ACER3: variants seen among roughly 807,000 people sequenced by gnomAD.
ACER3 encodes the protein alkCDase 3.
A neutral mutation model predicts 48.9 loss-of-function variants in ACER3; 16 were observed. The ratio of observed to expected loss-of-function variants is 0.33; its 90% CI spans 0.22 to 0.50. The LOEUF is 0.50. Among genes scored for constraint, ACER3 ranks in the 20% least tolerant of loss-of-function variants. The pLI is 0.98. For missense variants in ACER3, 227 were observed against 326.0 expected, an observed-to-expected ratio of 0.70 and a Z score of 2.34; for synonymous variants, 109 against 107.8, an observed-to-expected ratio of 1.01 and a Z score of -0.07.
rs561170243 is a variant in ACER3 at position 77,015,251 on chromosome 11, G to A, written c.599+134G>A. On this transcript the variant is annotated intron_variant, in intron 8 of 10. Transcript: ENST00000532485. ...TGTTGACATTTAAAAGATATATACAGTATAATAAAGTTAGACTATTAGAAT... is the reference window on the plus strand; with the variant it reads ...TGTTGACATTTAAAAGATATATACAATATAATAAAGTTAGACTATTAGAAT... 38 of 571,760 alleles carry A rather than the reference G, an allele frequency of 6.6e-5. No individual in the cohort carries two copies. In the South Asian group the frequency reaches 9.1e-4, roughly 14 times the overall value. The allele number at this position is 571,760 out of a possible 1,614,324, so 35.4% of individuals were successfully genotyped here.
intron 1 of ACER3, among the ~76,000 whole-genome samples, chr11:76,867,486 A>AG (rs1945123700): frequency 8.1e-6 from 1 of 122,994 alleles, no homozygotes; most frequent in Non-Finnish European, 1.8e-5. Context: ...AAAAAAAAAA[A>AG]AAAAAAAAAA....
At chr11:76,867,281 C>T (rs778817860) in intron 1 of ACER3, among the ~76,000 whole-genome samples, 1 of 151,748 alleles carries the variant, frequency 6.6e-6, no homozygotes, top group South Asian at 2.1e-4. Flanking sequence ...CCAGCCTGGC[C>T]AACATGATGA....
intron 7 of ACER3, among the ~76,000 whole-genome samples, chr11:77,011,667 G>A (rs1188896757): frequency 6.6e-6 from 1 of 151,550 alleles, no homozygotes; most frequent in African/African-American, 2.4e-5. Context: ...ATTTTTAAAC[G>A]AATCACCTTT....
At chr11:76,911,219 T>C (rs1946369522) in intron 1 of ACER3, among the ~76,000 whole-genome samples, 1 of 152,174 alleles carries the variant, frequency 6.6e-6, no homozygotes, top group African/African-American at 2.4e-5. Context: ...ATTTATTAAT[T>C]ATATGCTAAA....
intron 2 of ACER3, among the ~76,000 whole-genome samples, chr11:76,940,041 A>T (rs1181803827): frequency 6.6e-6 from 1 of 152,196 alleles, no homozygotes; most frequent in Non-Finnish European, 1.5e-5. Context: ...CATGCTTAGG[A>T]GATACATCCT....
intron 6 of ACER3, among the ~76,000 whole-genome samples, chr11:76,997,243 C>T (rs1273897905): frequency 2.0e-5 from 3 of 152,128 alleles, no homozygotes; most frequent in Non-Finnish European, 4.4e-5. Context: ...AAATTTTAAA[C>T]ACCGTATCCT....
Position 76,913,277 on chromosome 11 carries a change from G to A in ACER3, c.104-13280G>A, listed in dbSNP as rs1029551022. Among the ~76,000 whole-genome samples the A allele has an allele frequency of 3.9e-5, 6 of 152,056 alleles. No individual in the cohort carries two copies. In the East Asian group the frequency reaches 5.8e-4, roughly 15 times the overall value. ...GCTTAAGGAGATTTTGGGCTGAGAC[G>A]ATGGGGTTTTCTAGATATACAATCA... On this transcript the variant is annotated intron_variant, in intron 1 of 10. Coordinates refer to ENST00000532485, the MANE Select transcript of ACER3 (RefSeq NM_018367.7).
intron 4 of ACER3, among the ~76,000 whole-genome samples, chr11:76,980,958 A>G (rs1948571832): frequency 6.6e-6 from 1 of 152,236 alleles, no homozygotes; most frequent in Non-Finnish European, 1.5e-5. Context: ...GAAATTAAGT[A>G]AGAAATAGTC....
chr11:77,005,486 C>T (rs1438626688), intron 7 of ACER3, among the ~76,000 whole-genome samples: 3 of 152,088 alleles, frequency 2.0e-5, no homozygotes, highest in African/African-American at 7.2e-5. Flanking sequence ...CCACAAGCTA[C>T]GTGGCTTTAA....
intron 3 of ACER3, among the ~76,000 whole-genome samples, chr11:76,975,874 C>CT (rs34786738): frequency 0.075 from 6,190 of 82,738 alleles, 695 homozygotes; most frequent in African/African-American, 0.23. Context: ...TTTTTCTTTT[C>CT]TTTTTTTTTT....
At chr11:76,876,271 A>AT (rs34935186) in intron 1 of ACER3, among the ~76,000 whole-genome samples, 86,057 of 147,928 alleles carry the variant, frequency 0.58, 27,560 homozygotes, top group Non-Finnish European at 0.74. Flanking sequence ...CACTGTTCTG[A>AT]TTTTTTTTTT....
At chr11:76,928,838 G>C (rs11237017) in intron 2 of ACER3, among the ~76,000 whole-genome samples, 16,025 of 152,212 alleles carry the variant, frequency 0.11, 1,055 homozygotes, top group East Asian at 0.35. Context: ...TTTGGTACCA[G>C]TACCAGGCTG....
chr11:76,873,114 C>T (rs770832565), intron 1 of ACER3, among the ~76,000 whole-genome samples: 2 of 151,696 alleles, frequency 1.3e-5, no homozygotes, highest in African/African-American at 2.4e-5. Flanking sequence ...TGCAGGGAAT[C>T]TCGCTATGTT....
chr11:77,022,886 A>T lies in ACER3; in HGVS notation c.*2559A>T, dbSNP rs1038217771. 3.1e-6 allele frequency: 1 copy of T among 327,682 alleles called. No homozygotes were observed. Among genetic ancestry groups the T allele is most frequent in the Non-Finnish European group, 5.5e-6 (1 of 183,454 alleles). 20.3% of individuals were successfully genotyped at this position (327,682 alleles called of 1,614,324 possible). ...TCCGTCTCAAAAAAAAAAAAAAAAA[A>T]AAAAAAGAAAAGAAAAGAAAATATA... On this transcript the variant is annotated 3_prime_UTR_variant, in exon 11 of 11. Transcript: ENST00000532485.
At chr11:76,938,558 ATC>A (rs1469860137) in intron 2 of ACER3, among the ~76,000 whole-genome samples, 5 of 152,120 alleles carry the variant, frequency 3.3e-5, no homozygotes. Flanking sequence ...GCCCCAAGAA[ATC>A]TTCATGCTTC....
chr11:76,919,369 CTTTG>C (rs1258136903), intron 1 of ACER3, among the ~76,000 whole-genome samples: 2 of 152,126 alleles, frequency 1.3e-5, no homozygotes, highest in African/African-American at 4.8e-5. Context: ...TTTCCCCAAA[CTTTG>C]TTTCTCATAT....
intron 1 of ACER3, among the ~76,000 whole-genome samples, chr11:76,906,794 C>G: frequency 6.6e-6 from 1 of 152,092 alleles, no homozygotes; most frequent in East Asian, 1.9e-4. Flanking sequence ...CTCCTGAGCT[C>G]AAGCAGTCCC....
At chr11:76,922,558 A>G (rs1370949308) in intron 1 of ACER3, among the ~76,000 whole-genome samples, 1 of 152,172 alleles carries the variant, frequency 6.6e-6, no homozygotes, top group East Asian at 1.9e-4. Context: ...TATTCTTTGT[A>G]CAGTTTGGAA....
At chr11:76,867,391 C>A (rs886781181) in intron 1 of ACER3, among the ~76,000 whole-genome samples, 16 of 139,882 alleles carry the variant, frequency 1.1e-4, no homozygotes, top group African/African-American at 4.4e-4. Context: ...ATCACTTGAA[C>A]GCTGGAGGCG....
Sources: gnomAD v4.1 joint callset for allele counts (sites outside exome capture counted in the v4.1 genomes callset) on GRCh38, gnomAD v4.1.1 for gene constraint, MANE v1.5 for transcripts, NCBI Gene and HGNC (gene_info 2026-07-23, HGNC 2026-07-21) for gene names.